The following YLPM1 variants were observed in gnomAD, a reference collection of about 807,000 sequenced individuals.
YLPM1 encodes YLP motif containing 1.
In YLPM1, 99 loss-of-function variants were observed where a neutral mutation model predicts 230.0. The ratio of observed to expected loss-of-function variants is 0.43; its 90% confidence interval spans 0.37 to 0.51. The LOEUF (loss-of-function observed/expected upper bound fraction) is 0.51. YLPM1 is among the 20% of genes least tolerant of loss of function. The pLI is 0.00. For missense variants in YLPM1, 2,592 were observed against 2,707.7 expected (o/e 0.96, Z 0.95); for synonymous variants, 984 against 942.5 (o/e 1.04, Z -0.81).
intron 4 of YLPM1, among the ~76,000 whole-genome samples, chr14:74,795,111 C>T (rs2091246904): frequency 6.6e-6 from 1 of 152,206 alleles, no homozygotes; most frequent in African/African-American, 2.4e-5. Flanking sequence ...CCTAGAGGAT[C>T]TCTTGCATTT....
At chr14:74,767,000 C>A (rs913142674) in intron 1 of YLPM1, among the ~76,000 whole-genome samples, 2 of 150,726 alleles carry the variant, frequency 1.3e-5, no homozygotes, top group African/African-American at 2.4e-5. Context: ...TCTCCTGCCT[C>A]AGCCTCCTGA....
Position 74,764,093 on chromosome 14 carries a change from G to C in YLPM1, c.604G>C (p.Ala202Pro). 6.2e-7 allele frequency: 1 copy of C among 1,612,032 alleles called. No homozygotes were observed. The highest frequency in any genetic ancestry group is 8.5e-7 in the Non-Finnish European group (1 of 1,179,446). The change falls in exon 1 of 21, where the codon GCG becomes CCG. Residue 202 changes from alanine to proline, a missense_variant. Around this residue, in one of 4 missense-constraint regions of YLPM1, gnomAD observed 1,862 missense variants for 1,819.8 expected, o/e 1.02. Transcript: ENST00000325680. The part of the protein sequence containing the change: ...SQSPPSQSYL[A>P]PTPSYSSSSS... The stretch of plus-strand genomic sequence containing the variant: ...GTCCCCACCTTCCCAATCCTACCTG[G>C]CGCCCACCCCTTCTTACTCATCCTC...
intron 12 of YLPM1, 84 bp downstream of exon 12, chr14:74,816,349 T>G (rs2091478249): frequency 1.4e-6 from 2 of 1,410,558 alleles, no homozygotes; most frequent in African/African-American, 2.9e-5. Context: ...GCAAGCAACA[T>G]AATGCCAATA....
At position 74,821,111 on chromosome 14, in the gene YLPM1, G is replaced by C; in HGVS notation, c.6085G>C (p.Asp2029His). ...CGAAGAACAGAAAGAAGAAAAGAAA[G>C]ATGCAGAGGAAGAGGAAAGCGAACT... ...NIEEQKEEKK[D>H]AEEEESELGY... Residue 2029 changes from aspartate to histidine, a missense_variant, in exon 17 of 21, where the codon GAT (aspartate) becomes CAT (histidine). Around this residue, in one of 4 missense-constraint regions of YLPM1, gnomAD observed 315 missense variants for 429.3 expected, o/e 0.73. Coordinates refer to ENST00000325680, the MANE Select transcript of YLPM1 (RefSeq NM_019589.3). 1.3e-6 allele frequency: 2 copies of C among 1,547,152 alleles called. No homozygotes were observed. Among genetic ancestry groups the C allele is most frequent in the Middle Eastern group, 1.7e-4 (1 of 5,964 alleles).
rs201555955 is a variant in YLPM1, at chr14:74,782,099, C to T, written c.2056C>T (p.His686Tyr). 6.2e-7 allele frequency: 1 copy of T among 1,613,988 alleles called. No individual in the cohort carries two copies. Among genetic ancestry groups the T allele is most frequent in the East Asian group, 2.2e-5 (1 of 44,892 alleles). Residue 686 changes from histidine (H) to tyrosine (Y), a missense_variant, in exon 4 of 21, where the codon CAT (histidine) becomes TAT (tyrosine). His to Tyr is a moderately conservative substitution (Grantham distance 83). This residue lies in a region of YLPM1 where 1,862 missense variants were observed against 1,819.8 expected (regional missense o/e 1.02). Transcript: ENST00000325680. ...SFGSAPPTTYHPPLQSAGPSE... is the reference protein window; with the variant it reads ...SFGSAPPTTYYPPLQSAGPSE... ...TGGTTCTGCCCCACCGACAACTTAC[C>T]ATCCTCCGTTGCAATCAGCTGGTCC...
intron 15 of YLPM1, among the ~76,000 whole-genome samples, chr14:74,817,980 C>T (rs1479352331): frequency 6.6e-6 from 1 of 151,558 alleles, no homozygotes; most frequent in Non-Finnish European, 1.5e-5. Flanking sequence ...CACTTGAGCC[C>T]ACCATGTCAA....
intron 5 of YLPM1, among the ~76,000 whole-genome samples, chr14:74,802,119 G>A (rs1332112307): frequency 6.6e-6 from 1 of 151,654 alleles, no homozygotes; most frequent in Non-Finnish European, 1.5e-5. Context: ...TCGGGAGGCT[G>A]AGGCAGGAGA....
chr14:74,827,163 T>C (rs1213951135), intron 18 of YLPM1, among the ~76,000 whole-genome samples: 2 of 152,226 alleles, frequency 1.3e-5, no homozygotes, highest in Non-Finnish European at 2.9e-5. Flanking sequence ...TCTGTTGTGC[T>C]ATAATACATA....
At chr14:74,829,703 A>T (rs2091593332) in intron 19 of YLPM1, among the ~76,000 whole-genome samples, 1 of 152,174 alleles carries the variant, frequency 6.6e-6, no homozygotes, top group East Asian at 1.9e-4. Flanking sequence ...GTCCAAAGGT[A>T]GATCAAGGGT....
In YLPM1 at chr14:74,799,420, G is replaced by A; in HGVS notation, c.4123G>A (p.Glu1375Lys). ...FRDRGELRIR[E>K]YPERGDTWRE... is the part of the protein sequence containing the mutation. Reference sequence around the variant, plus strand: ...TGATAGGGGTGAGTTGAGGATTCGAGAGTATCCAGAAAGAGGAGATACATG... The same window carrying A: ...TGATAGGGGTGAGTTGAGGATTCGAAAGTATCCAGAAAGAGGAGATACATG... The change falls in exon 5 of 21, where the codon GAG (glutamate) becomes AAG (lysine). Residue 1375 changes from glutamate (E) to lysine (K), a missense_variant. Around this residue, in one of 4 missense-constraint regions of YLPM1, gnomAD observed 1,862 missense variants for 1,819.8 expected, o/e 1.02. Coordinates refer to ENST00000325680, the MANE Select transcript of YLPM1 (RefSeq NM_019589.3). 1 of 1,614,026 alleles carries A rather than the reference G, an allele frequency of 6.2e-7. No individual in the cohort carries two copies. Among genetic ancestry groups the A allele is most frequent in the Non-Finnish European group, 8.5e-7 (1 of 1,179,898 alleles).
In YLPM1 at chr14:74,763,578, C is replaced by A; in HGVS notation, c.89C>A (p.Ala30Asp). ...CCGCCGCCAGTGGCGCTTCCTGAGG[C>A]CTCGCCGGGGCCCGGGTACTCGAGC... ...PPPPPVALPE[A>D]SPGPGYSSST... The change falls in exon 1 of 21, where the codon GCC (alanine) becomes GAC (aspartate). Residue 30 changes from alanine to aspartate, a missense_variant. Ala to Asp is a moderately radical substitution (Grantham distance 126). Coordinates refer to ENST00000325680, the MANE Select transcript of YLPM1 (RefSeq NM_019589.3). 1.3e-6 allele frequency: 2 copies of A among 1,584,978 alleles called. No individual in the cohort carries two copies. The highest frequency in any genetic ancestry group is 1.7e-6 in the Non-Finnish European group (2 of 1,164,638).
At chr14:74,825,138 T>C (rs1274270323) in intron 18 of YLPM1, among the ~76,000 whole-genome samples, 2 of 152,176 alleles carry the variant, frequency 1.3e-5, no homozygotes, top group Non-Finnish European at 2.9e-5. Context: ...CCTGGTATTA[T>C]ACTCCAAAAC....
At chr14:74,794,884 G>C (rs1239701309) in intron 4 of YLPM1, among the ~76,000 whole-genome samples, 1 of 152,118 alleles carries the variant, frequency 6.6e-6, no homozygotes, top group Non-Finnish European at 1.5e-5. Context: ...TGGTATATAT[G>C]TTCTTCCACT....
rs1009361684 is a variant in YLPM1, at chr14:74,836,817, A to T, written c.*1079A>T. On this transcript the variant is annotated 3_prime_UTR_variant, in exon 21 of 21. Transcript: ENST00000325680. ...AATTTCCTCTCTTGTGGTTAATACC[A>T]GGTGGAACCCAGAAACATACAGAGA... The T allele has an allele frequency of 7.2e-5, 11 of 152,664 alleles. No homozygotes were observed. Among genetic ancestry groups the T allele is most frequent in the African/African-American group, 2.7e-4 (11 of 41,466 alleles). The allele number at this position is 152,664 out of a possible 1,614,324, so 9.5% of individuals were successfully genotyped here.
At chr14:74,826,146 CAA>C (rs2140142530) in intron 18 of YLPM1, among the ~76,000 whole-genome samples, 1 of 152,052 alleles carries the variant, frequency 6.6e-6, no homozygotes, top group South Asian at 2.1e-4. Context: ...TATTTTTTAA[CAA>C]GAGTGATAGT....
chr14:74,796,827 T>C (rs2140107114), intron 4 of YLPM1, among the ~76,000 whole-genome samples: 1 of 151,892 alleles, frequency 6.6e-6, no homozygotes, highest in Non-Finnish European at 1.5e-5. Context: ...ATCCTATATT[T>C]TCTTGTTAGT....
At chr14:74,827,927 T>A (rs1201626675) in intron 18 of YLPM1, 18 of 984,058 alleles carry the variant, frequency 1.8e-5, no homozygotes, top group Non-Finnish European at 2.2e-5. Context: ...AATCCATACA[T>A]GTTAAAATTT....
At chr14:74,796,052 C>T (rs1028254047) in intron 4 of YLPM1, among the ~76,000 whole-genome samples, 1 of 152,170 alleles carries the variant, frequency 6.6e-6, no homozygotes, top group Non-Finnish European at 1.5e-5. Flanking sequence ...AACTTGGCTG[C>T]CAGTTCTAGC....
chr14:74,794,764 T>TACAC (rs58830379), intron 4 of YLPM1, among the ~76,000 whole-genome samples: 45 of 150,492 alleles, frequency 3.0e-4, no homozygotes, highest in South Asian at 1.3e-3. Context: ...ATTTGGTTAA[T>TACAC]ACACACACAC....
Sources: gnomAD v4.1 joint callset for allele counts (sites outside exome capture counted in the v4.1 genomes callset) on GRCh38, gnomAD v4.1.1 for gene constraint, gnomAD v4.1.1 regional missense constraint, MANE v1.5 for transcripts, NCBI Gene and HGNC (gene_info 2026-07-23, HGNC 2026-07-21) for gene names.